The following PRKCZ variants were observed in gnomAD, a reference collection of about 807,000 sequenced individuals.
PRKCZ encodes protein kinase C zeta type.
Under a neutral mutation model 79.5 loss-of-function variants are expected in PRKCZ, and 33 were observed. The ratio of observed to expected loss-of-function variants is 0.41; its 90% CI spans 0.31 to 0.55. The LOEUF is 0.55. Among genes scored for constraint, PRKCZ ranks in the 20% least tolerant of loss-of-function variants. The probability of loss-of-function intolerance (pLI) is 0.19; values close to 1 mark genes in which losing one functional copy is unlikely to be tolerated. For synonymous variants in PRKCZ, 342 were observed against 320.9 expected (o/e 1.07, Z -0.70); for missense variants, 578 against 813.5 (o/e 0.71, Z 3.52).
chr1:2,050,989 C>T (rs946786841), intron 1 of PRKCZ: 2 of 332,922 alleles, frequency 6.0e-6, no homozygotes, highest in Non-Finnish European at 1.1e-5. Flanking sequence ...GAAAGTTGGG[C>T]GGGGACGTTC....
intron 4 of PRKCZ, among the ~76,000 whole-genome samples, chr1:2,091,179 T>C (rs534234221): frequency 6.6e-6 from 1 of 152,060 alleles, no homozygotes; most frequent in Non-Finnish European, 1.5e-5. Flanking sequence ...TTACAGGCGC[T>C]TGCCACCATG....
rs1232241160 is a variant in PRKCZ, at chr1:2,178,129, A to G, written c.1575+2816A>G. Among the ~76,000 whole-genome samples, 1 of 152,172 alleles carries G rather than the reference A, an allele frequency of 6.6e-6. No individual in the cohort carries two copies. On this transcript the variant is annotated intron_variant, in intron 16 of 17. Transcript: ENST00000378567. The surrounding 1 kb of genome is among the most constrained non-coding windows in gnomAD (Gnocchi z 4.3). ...CGCCTGCAACTCAGTGGTTCTGAGC[A>G]ATCCCAGAGTTACATGACGTCATCG...
chr1:2,156,218 C>T, intron 10 of PRKCZ, 126 bp downstream of exon 10: 2 of 789,768 alleles, frequency 2.5e-6, no homozygotes, highest in Admixed American at 2.1e-5. Flanking sequence ...CGGGTGTTTT[C>T]AGGCCAGCAG....
rs1443965386 is a variant in PRKCZ at position 2,173,648 on chromosome 1, G to C, written c.1286-249G>C. ...GTGCCGGTGTGGTCACAGGTGCCCT[G>C]GCAGGACCGACAGCCCAGAGGCAGC... On this transcript the variant is annotated intron_variant, in intron 13 of 17. Transcript: ENST00000378567. The surrounding 1 kb of genome is among the most constrained non-coding windows in gnomAD (Gnocchi z 5.7). Among the ~76,000 whole-genome samples, 1 of 152,234 alleles carries C rather than the reference G, an allele frequency of 6.6e-6. No homozygotes were observed. The highest frequency in any genetic ancestry group is 1.5e-5 in the Non-Finnish European group (1 of 68,038).
At chr1:2,056,431 C>T in intron 2 of PRKCZ, 53 bp from the exon 3 acceptor site, 1 of 1,530,292 alleles carries the variant, frequency 6.5e-7, no homozygotes, top group Non-Finnish European at 9.0e-7. Flanking sequence ...TCGTCACAGC[C>T]CCCTTTGCCT....
intron 4 of PRKCZ, among the ~76,000 whole-genome samples, chr1:2,092,938 G>T (rs1571310425): frequency 6.6e-6 from 1 of 152,196 alleles, no homozygotes; most frequent in East Asian, 1.9e-4. Context: ...CAGCATAGAG[G>T]GCCCCAGGCC....
rs185876104 is a variant in PRKCZ at position 2,120,949 on chromosome 1, G to A, written c.335-14313G>A. 2.3e-3 allele frequency among the ~76,000 whole-genome samples: 344 copies of A among 151,552 alleles called. 4 individuals are homozygous for A. Among genetic ancestry groups the A allele is most frequent in the Admixed American group, 4.2e-3 (64 of 15,204 alleles). ...CTGCCCCAGCCTCCCAAGCAGCTGG[G>A]ATTACAGGGTCACACTACCACGCCC... On this transcript the variant is annotated intron_variant, in intron 4 of 17. Coordinates refer to ENST00000378567, the MANE Select transcript of PRKCZ (RefSeq NM_002744.6).
At position 2,150,840 on chromosome 1, in the gene PRKCZ, G is replaced by A. The variant is rs1557685311; in HGVS notation, c.738G>A (p.Gly246=). ...TGGATGGAATCAAAATCTCTCAGGG[G>A]CTTGGGCTGCAGGACTTTGACCTAA... ...DGMDGIKISQ[G]LGLQDFDLIR... The change falls in exon 9 of 18, where the codon GGG becomes GGA. Residue 246 remains glycine, a synonymous_variant. Coordinates refer to ENST00000378567, the MANE Select transcript of PRKCZ (RefSeq NM_002744.6). 1.2e-6 allele frequency: 2 copies of A among 1,614,176 alleles called. No individual in the cohort carries two copies. Among genetic ancestry groups the A allele is most frequent in the East Asian group, 2.2e-5 (1 of 44,884 alleles).
At chr1:2,057,765 C>T (rs934908373) in intron 3 of PRKCZ, among the ~76,000 whole-genome samples, 34 of 152,116 alleles carry the variant, frequency 2.2e-4, no homozygotes, top group Admixed American at 2.0e-3. Context: ...AGTGCAGTGG[C>T]ACTATCTCTG....
chr1:2,055,336 A>G, intron 1 of PRKCZ, 105 bp from the exon 2 acceptor site: 3 of 1,382,458 alleles, frequency 2.2e-6, no homozygotes, highest in South Asian at 1.5e-5. Flanking sequence ...GTCTTTGGGG[A>G]AAGTTTCATT....
At chr1:2,066,410 T>C (rs1205918437) in intron 4 of PRKCZ, among the ~76,000 whole-genome samples, 3 of 152,220 alleles carry the variant, frequency 2.0e-5, no homozygotes, top group Non-Finnish European at 4.4e-5. Flanking sequence ...TGGCTCGATC[T>C]CAGCTCATGT....
At chr1:2,122,233 T>C (rs1201938651) in intron 4 of PRKCZ, among the ~76,000 whole-genome samples, 1 of 6,642 alleles carries the variant, frequency 1.5e-4, no homozygotes, top group Non-Finnish European at 2.3e-4. Flanking sequence ...GTTAGGGTCG[T>C]GGCGGTGGTT....
chr1:2,162,262 G>C (rs1682471567), intron 10 of PRKCZ, among the ~76,000 whole-genome samples: 2 of 152,186 alleles, frequency 1.3e-5, no homozygotes, highest in Non-Finnish European at 2.9e-5. Context: ...CCCCCGAGTA[G>C]CTGGGAATAC....
chr1:2,131,254 T>A (rs1251658149), intron 4 of PRKCZ, among the ~76,000 whole-genome samples: 1 of 152,236 alleles, frequency 6.6e-6, no homozygotes, highest in African/African-American at 2.4e-5. Flanking sequence ...GGGATGCCAG[T>A]GGTTTCTCAC....
chr1:2,169,489 T>C (rs988775304), intron 10 of PRKCZ, 29 bp from the exon 11 acceptor site: 1 of 1,542,612 alleles, frequency 6.5e-7, no homozygotes, highest in Admixed American at 2.0e-5. Flanking sequence ...CCGAGGTGAC[T>C]GCAGCCTCCG....
intron 4 of PRKCZ, chr1:2,073,970 C>T (rs747397120): frequency 2.3e-4 from 326 of 1,388,720 alleles, no homozygotes; most frequent in Non-Finnish European, 2.9e-4. Context: ...TCCGCGCCCC[C>T]GGGGCCGGGC....
chr1:2,146,212 A>AG, intron 7 of PRKCZ, 104 bp downstream of exon 7: 3 of 1,168,114 alleles, frequency 2.6e-6, no homozygotes, highest in Non-Finnish European at 3.8e-6. Context: ...TCTGCTCTGC[A>AG]GGGGTCATTG....
At chr1:2,143,954 C>T (rs979511636) in intron 5 of PRKCZ, 1 of 447,040 alleles carries the variant, frequency 2.2e-6, no homozygotes, top group Non-Finnish European at 4.0e-6. Context: ...GATGGCACCT[C>T]CCCTGTGTCC....
At chr1:2,097,609 G>T (rs956696210) in intron 4 of PRKCZ, among the ~76,000 whole-genome samples, 1 of 151,750 alleles carries the variant, frequency 6.6e-6, no homozygotes. Flanking sequence ...GGCACGCCTC[G>T]CACCCAGCTG....
Sources: allele counts gnomAD v4.1 joint callset (sites outside exome capture counted in the v4.1 genomes callset), GRCh38; gene constraint gnomAD v4.1.1; non-coding constraint Gnocchi (gnomAD v3.1); transcripts MANE v1.5; gene names NCBI Gene and HGNC (gene_info 2026-07-23, HGNC 2026-07-21).